Variants in NEGR1 observed in about 807,000 individuals in gnomAD.
NEGR1 encodes the protein IgLON family member 4.
A neutral mutation model predicts 40.9 loss-of-function variants in NEGR1; 10 were observed. The ratio of observed to expected loss-of-function variants is 0.24; its 90% CI spans 0.15 to 0.42. The LOEUF (loss-of-function observed/expected upper bound fraction) is 0.42, where lower values mean the gene tolerates loss of function less well. NEGR1 is among the 10% of genes least tolerant of loss of function. The probability of loss-of-function intolerance (pLI) is 1.00; values close to 1 mark genes in which losing one functional copy is unlikely to be tolerated. For synonymous variants in NEGR1, 185 were observed against 166.8 expected (o/e 1.11, Z -0.84); for missense variants, 352 against 438.9 (o/e 0.80, Z 1.77).
intron 2 of NEGR1, among the ~76,000 whole-genome samples, chr1:71,860,543 T>A (rs192625253): frequency 1.2e-3 from 189 of 152,086 alleles, no homozygotes; most frequent in Non-Finnish European, 1.7e-3. Flanking sequence ...AATAAAATTA[T>A]GTTTGAAAAA....
intron 1 of NEGR1, among the ~76,000 whole-genome samples, chr1:72,139,467 T>C (rs1650591393): frequency 1.3e-5 from 2 of 152,118 alleles, no homozygotes; most frequent in South Asian, 4.2e-4. Context: ...TTACTCAGAT[T>C]CTATAGATTT....
At chr1:72,058,182 T>C (rs950701997) in intron 1 of NEGR1, among the ~76,000 whole-genome samples, 1 of 151,556 alleles carries the variant, frequency 6.6e-6, no homozygotes, top group Non-Finnish European at 1.5e-5. Context: ...CAATATGAGA[T>C]GGAACTTTGC....
At chr1:71,848,460 C>T (rs1461963333) in intron 2 of NEGR1, among the ~76,000 whole-genome samples, 1 of 152,078 alleles carries the variant, frequency 6.6e-6, no homozygotes, top group Non-Finnish European at 1.5e-5. Context: ...AAAGCCAATG[C>T]TCATTTACCA....
At chr1:71,650,814 T>C (rs1359280228) in intron 4 of NEGR1, among the ~76,000 whole-genome samples, 2 of 152,214 alleles carry the variant, frequency 1.3e-5, no homozygotes, top group Non-Finnish European at 2.9e-5. Flanking sequence ...TTATCTGCTA[T>C]ATGGAGATCT....
chr1:71,465,247 T>C (rs1190479457), intron 6 of NEGR1, among the ~76,000 whole-genome samples: 1 of 152,142 alleles, frequency 6.6e-6, no homozygotes, highest in Non-Finnish European at 1.5e-5. Flanking sequence ...TTTTACTCTG[T>C]GCCAGCCACT....
intron 2 of NEGR1, among the ~76,000 whole-genome samples, chr1:71,908,234 T>C (rs907534026): frequency 2.6e-5 from 4 of 151,450 alleles, no homozygotes; most frequent in African/African-American, 7.3e-5. Flanking sequence ...AAAAAGAATA[T>C]TGTTTGGTTA....
At chr1:72,240,887 G>A (rs1654710702) in intron 1 of NEGR1, among the ~76,000 whole-genome samples, 1 of 151,688 alleles carries the variant, frequency 6.6e-6, no homozygotes, top group Non-Finnish European at 1.5e-5. Context: ...TTATAGTACT[G>A]ATTAGCCTCC....
intron 2 of NEGR1, among the ~76,000 whole-genome samples, chr1:71,908,487 G>A (rs948991915): frequency 6.6e-6 from 1 of 152,082 alleles, no homozygotes; most frequent in Admixed American, 6.6e-5. Context: ...ATGTGTTCCA[G>A]GAACACAGCC....
chr1:71,687,346 T>C (rs1284407413), intron 4 of NEGR1, among the ~76,000 whole-genome samples: 1 of 152,176 alleles, frequency 6.6e-6, no homozygotes, highest in East Asian at 1.9e-4. Flanking sequence ...AAATAAAATT[T>C]TGTTATCTTT....
At chr1:71,669,431 T>C (rs897265052) in intron 4 of NEGR1, among the ~76,000 whole-genome samples, 1 of 152,018 alleles carries the variant, frequency 6.6e-6, no homozygotes, top group Non-Finnish European at 1.5e-5. Flanking sequence ...TTCTGTAGAG[T>C]AGCTATTTTT....
chr1:72,219,088 T>C (rs1460890427), intron 1 of NEGR1, among the ~76,000 whole-genome samples: 1 of 151,996 alleles, frequency 6.6e-6, no homozygotes, highest in Non-Finnish European at 1.5e-5. Context: ...TGAACTGAAG[T>C]TGCCTGAGTA....
intron 2 of NEGR1, among the ~76,000 whole-genome samples, chr1:71,928,027 TAC>T (rs150454041): frequency 0.016 from 1,237 of 77,424 alleles, 116 homozygotes; most frequent in African/African-American, 0.036. Context: ...AATAAATAAA[TAC>T]ACACACACAC....
rs575887865 is a variant in NEGR1, at chr1:71,479,268, C to T, written c.941-71698G>A. On this transcript the variant is annotated intron_variant, in intron 6 of 6. Transcript: ENST00000357731. ...GTTTTTCATTGTGCTTTTTTGGCGG[C>T]CTGGATTCGTTTCCTACTGACTTAT... 3.3e-5 allele frequency among the ~76,000 whole-genome samples: 5 copies of T among 152,002 alleles called. No individual in the cohort carries two copies. In the East Asian group the frequency reaches 7.8e-4, roughly 24 times the overall value.
intron 2 of NEGR1, among the ~76,000 whole-genome samples, chr1:71,833,112 A>G (rs140799090): frequency 6.6e-6 from 1 of 152,190 alleles, no homozygotes; most frequent in East Asian, 1.9e-4. Context: ...AGGAAAAATT[A>G]CGTTTTCTTC....
chr1:72,134,232 G>A (rs1184122516), intron 1 of NEGR1, among the ~76,000 whole-genome samples: 1 of 142,298 alleles, frequency 7.0e-6, no homozygotes, highest in Non-Finnish European at 1.5e-5. Context: ...TTTTTGAGAT[G>A]GAGTCTTGCT....
At chr1:71,408,406 T>C (rs1379247799) in intron 6 of NEGR1, among the ~76,000 whole-genome samples, 1 of 152,040 alleles carries the variant, frequency 6.6e-6, no homozygotes, top group Non-Finnish European at 1.5e-5. Context: ...GTTGAATGTA[T>C]GACTACATTT....
At chr1:72,250,566 A>T (rs2100529447) in intron 1 of NEGR1, among the ~76,000 whole-genome samples, 1 of 152,312 alleles carries the variant, frequency 6.6e-6, no homozygotes, top group African/African-American at 2.4e-5. Context: ...ATCTACTTTC[A>T]TTTGCCACTG....
intron 1 of NEGR1, among the ~76,000 whole-genome samples, chr1:72,099,213 A>C (rs1276586977): frequency 1.3e-5 from 2 of 152,012 alleles, no homozygotes; most frequent in East Asian, 1.9e-4. Context: ...ATAGCATTTT[A>C]AAAATTCCGT....
intron 1 of NEGR1, among the ~76,000 whole-genome samples, chr1:72,231,117 G>A (rs1654348695): frequency 6.6e-6 from 1 of 152,134 alleles, no homozygotes; most frequent in African/African-American, 2.4e-5. Flanking sequence ...ACATGAGAAA[G>A]TAGGCAGATG....
Sources: gnomAD v4.1 joint callset for allele counts (sites outside exome capture counted in the v4.1 genomes callset) on GRCh38, gnomAD v4.1.1 for gene constraint, MANE v1.5 for transcripts, NCBI Gene and HGNC (gene_info 2026-07-23, HGNC 2026-07-21) for gene names.